MAML2: variants seen among roughly 807,000 people sequenced by gnomAD.
The protein encoded by MAML2 is mastermind like transcriptional coactivator 2.
MAML2 carries 22 observed loss-of-function variants against 96.1 expected under a neutral mutation model. The observed-to-expected ratio is 0.23, with a 90% CI of 0.16 to 0.33. The LOEUF (loss-of-function observed/expected upper bound fraction) is 0.33. Among genes scored for constraint, MAML2 ranks in the 10% least tolerant of loss-of-function variants. The probability of loss-of-function intolerance (pLI) is 1.00; values close to 1 mark genes in which losing one functional copy is unlikely to be tolerated. For synonymous variants in MAML2, 561 were observed against 521.3 expected (o/e 1.08, Z -1.04); for missense variants, 1,367 against 1,392.4 (o/e 0.98, Z 0.29).
chr11:96,169,757 C>T (rs1167005262), intron 1 of MAML2, among the ~76,000 whole-genome samples: 1 of 151,230 alleles, frequency 6.6e-6, no homozygotes, highest in African/African-American at 2.4e-5. Context: ...CAGGTTCAAG[C>T]GATTCTCCTG....
chr11:96,163,194 C>T (rs1488091033), intron 1 of MAML2, among the ~76,000 whole-genome samples: 3 of 152,130 alleles, frequency 2.0e-5, no homozygotes, highest in Non-Finnish European at 4.4e-5. Flanking sequence ...TTTAAGTATA[C>T]ACTTCCCTCC....
chr11:95,987,184 G>C (rs907934251), intron 3 of MAML2, among the ~76,000 whole-genome samples: 1 of 152,182 alleles, frequency 6.6e-6, no homozygotes, highest in Admixed American at 6.5e-5. Context: ...ACAACAGAGG[G>C]GGGTGTTTGG....
rs1857663290 is a variant in MAML2 at position 95,977,225 on chromosome 11, T to C, written c.*1723A>G. 1 of 185,654 alleles carries C rather than the reference T, an allele frequency of 5.4e-6. No homozygotes were observed. The highest frequency in any genetic ancestry group is 2.3e-5 in the African/African-American group (1 of 42,688). 11.5% of individuals were successfully genotyped at this position (185,654 alleles called of 1,614,324 possible). ...ATATAACCTTTTGATAGTATATTTA[T>C]TTCACATATGTATAAATATAACCCA... On this transcript the variant is annotated 3_prime_UTR_variant, in exon 5 of 5. Coordinates refer to ENST00000524717, the MANE Select transcript of MAML2 (RefSeq NM_032427.4).
chr11:96,166,177 T>TCTTTCTCACACA (rs530578845), intron 1 of MAML2, among the ~76,000 whole-genome samples: 1 of 110,330 alleles, frequency 9.1e-6, no homozygotes, highest in African/African-American at 3.5e-5. Context: ...TCTCTCTCTC[T>TCTTTCTCACACA]CACACACACA....
intron 1 of MAML2, among the ~76,000 whole-genome samples, chr11:96,331,031 A>G (rs932129252): frequency 2.6e-5 from 4 of 152,178 alleles, no homozygotes; most frequent in African/African-American, 9.7e-5. Context: ...GCACTTTGGG[A>G]GGCTGAGGTG....
chr11:96,282,304 G>C (rs1302288097), intron 1 of MAML2, among the ~76,000 whole-genome samples: 1 of 151,808 alleles, frequency 6.6e-6, no homozygotes, highest in Non-Finnish European at 1.5e-5. Context: ...TACTTGGCAT[G>C]ATCATTATGA....
At chr11:96,272,724 T>C (rs918233319) in intron 1 of MAML2, among the ~76,000 whole-genome samples, 34 of 152,222 alleles carry the variant, frequency 2.2e-4, no homozygotes, top group African/African-American at 8.2e-4. Flanking sequence ...AATGCAGCAT[T>C]ACAGGTTTTC....
Position 96,250,015 on chromosome 11 carries a change from G to A in MAML2, c.513+91368C>T, listed in dbSNP as rs149100379. On this transcript the variant is annotated intron_variant, in intron 1 of 4. Coordinates refer to ENST00000524717, the MANE Select transcript of MAML2 (RefSeq NM_032427.4). ...TCCTGCTAGAGCCTCCCTGCAATTC[G>A]CTCAGAGACTTTGCACTTGCTATTC... 3.7e-3 allele frequency among the ~76,000 whole-genome samples: 557 copies of A among 152,080 alleles called. 4 individuals are homozygous for A. The highest frequency in any genetic ancestry group is 0.034 in the South Asian group (162 of 4,812).
intron 1 of MAML2, among the ~76,000 whole-genome samples, chr11:96,119,864 C>G (rs11021436): frequency 0.35 from 53,627 of 152,044 alleles, 9,893 homozygotes; most frequent in East Asian, 0.67. Flanking sequence ...AATGCAAGTT[C>G]AATGAGAGGG....
intron 1 of MAML2, among the ~76,000 whole-genome samples, chr11:96,306,227 G>T (rs1347748013): frequency 6.6e-6 from 1 of 152,158 alleles, no homozygotes; most frequent in Non-Finnish European, 1.5e-5. Flanking sequence ...TTAACATGTT[G>T]ACATCTGTTT....
chr11:96,174,354 C>T (rs1010376600), intron 1 of MAML2, among the ~76,000 whole-genome samples: 12 of 152,156 alleles, frequency 7.9e-5, no homozygotes, highest in African/African-American at 1.2e-4. Context: ...TGAAATTCTC[C>T]AGCCAACATT....
Position 95,979,710 on chromosome 11 carries a change from T to C in MAML2, c.2709A>G (p.Gln903=). The change falls in exon 5 of 5, where the codon CAA becomes CAG. Residue 903 remains glutamine (Q), a synonymous_variant. Coordinates refer to ENST00000524717, the MANE Select transcript of MAML2 (RefSeq NM_032427.4). The stretch of plus-strand genomic sequence containing the variant: ...GTGGCCGTGGCATCATAGGGTTGTT[T>C]TGATTTGCTAACAATTGCTTTGGGT... The part of the protein sequence containing the change: ...QRNPKQLLAN[Q]NNPMMPRPPT... 6.2e-7 allele frequency: 1 copy of C among 1,613,994 alleles called. No homozygotes were observed. Among genetic ancestry groups the C allele is most frequent in the Non-Finnish European group, 8.5e-7 (1 of 1,179,880 alleles).
chr11:96,340,974 T>C (rs1042753929), intron 1 of MAML2, among the ~76,000 whole-genome samples: 1 of 152,132 alleles, frequency 6.6e-6, no homozygotes, highest in African/African-American at 2.4e-5. Context: ...AAAGGCCAGC[T>C]GGGCTGATAA....
chr11:96,066,113 T>C (rs1341089824), intron 2 of MAML2, among the ~76,000 whole-genome samples: 1 of 152,196 alleles, frequency 6.6e-6, no homozygotes, highest in Non-Finnish European at 1.5e-5. Flanking sequence ...ACACCAGTGG[T>C]CCTTCAGGAA....
At position 96,017,449 on chromosome 11, in the gene MAML2, A is replaced by G. The variant is rs1035975824; in HGVS notation, c.2140-25726T>C. Among the ~76,000 whole-genome samples, 4 of 136,112 alleles carry G rather than the reference A, an allele frequency of 2.9e-5. No individual in the cohort carries two copies. In the Admixed American group the frequency reaches 3.6e-4, roughly 12 times the overall value. 89.3% of individuals were successfully genotyped at this position (136,112 alleles called of 152,430 possible). A position where few individuals can be genotyped will look rare whatever the true frequency, so the allele number is the denominator to read the frequency against. On this transcript the variant is annotated intron_variant, in intron 2 of 4. Coordinates refer to ENST00000524717, the MANE Select transcript of MAML2 (RefSeq NM_032427.4). ...ATAAAACAAATACATTTGCATTCCT[A>G]CTGTGCCTACAATAATAACTGGGGT...
At chr11:96,227,168 C>G (rs987933043) in intron 1 of MAML2, among the ~76,000 whole-genome samples, 24 of 152,164 alleles carry the variant, frequency 1.6e-4, no homozygotes, top group Non-Finnish European at 3.1e-4. Context: ...AGCATGTGCC[C>G]CTTTCTTCGG....
At chr11:96,267,721 C>T (rs1285617020) in intron 1 of MAML2, among the ~76,000 whole-genome samples, 2 of 152,186 alleles carry the variant, frequency 1.3e-5, no homozygotes, top group African/African-American at 4.8e-5. Context: ...TTCCTCCAGT[C>T]ACTAGTTTCA....
intron 1 of MAML2, among the ~76,000 whole-genome samples, chr11:96,324,286 T>A (rs1331020252): frequency 6.6e-6 from 1 of 152,252 alleles, no homozygotes; most frequent in Admixed American, 6.5e-5. Context: ...CAAATGGGAA[T>A]AAGATAGTAC....
chr11:96,042,121 C>A (rs1040601726), intron 2 of MAML2, among the ~76,000 whole-genome samples: 1 of 152,100 alleles, frequency 6.6e-6, no homozygotes, highest in African/African-American at 2.4e-5. Context: ...GGACTACAGG[C>A]GCCCGCCACC....
Sources: gnomAD v4.1 joint callset for allele counts (sites outside exome capture counted in the v4.1 genomes callset) on GRCh38, gnomAD v4.1.1 for gene constraint, MANE v1.5 for transcripts, NCBI Gene and HGNC (gene_info 2026-07-23, HGNC 2026-07-21) for gene names.